The following FRMD5 variants were observed in gnomAD, a reference collection of about 807,000 sequenced individuals.
FRMD5 encodes FERM domain containing 5.
FRMD5 carries 20 observed loss-of-function variants against 69.0 expected under a neutral mutation model. The observed-to-expected ratio is 0.29, with a 90% CI of 0.20 to 0.42. FRMD5 has a LOEUF of 0.42. FRMD5 is among the 10% of genes least tolerant of loss of function. The pLI, the probability that FRMD5 is intolerant of heterozygous loss-of-function variation, is 1.00. For missense variants in FRMD5, 595 were observed against 708.6 expected, an observed-to-expected ratio of 0.84 and a Z score of 1.82; for synonymous variants, 271 against 260.1, an observed-to-expected ratio of 1.04 and a Z score of -0.40.
At chr15:44,103,915 C>G (rs1465189478) in intron 1 of FRMD5, among the ~76,000 whole-genome samples, 1 of 152,170 alleles carries the variant, frequency 6.6e-6, no homozygotes, top group African/African-American at 2.4e-5. Flanking sequence ...TGTGATGATG[C>G]TGGTGTAAAC....
At chr15:43,883,547 A>G (rs1374630007) in intron 13 of FRMD5, among the ~76,000 whole-genome samples, 156 bp downstream of exon 13, 1 of 152,198 alleles carries the variant, frequency 6.6e-6, no homozygotes, top group African/African-American at 2.4e-5. Context: ...TACCCAGCTA[A>G]TATTCCCATC....
At chr15:43,993,871 T>C (rs919066080) in intron 1 of FRMD5, among the ~76,000 whole-genome samples, 4 of 152,204 alleles carry the variant, frequency 2.6e-5, no homozygotes, top group African/African-American at 9.6e-5. Flanking sequence ...TTAAAGTCTA[T>C]TTTATCTGAC....
intron 11 of FRMD5, 65 bp from the exon 12 acceptor site, chr15:43,884,860 C>T: frequency 1.4e-6 from 2 of 1,383,216 alleles, no homozygotes; most frequent in Admixed American, 3.4e-5. Context: ...AGCTCCTCTC[C>T]AAGATCTTAG....
At chr15:43,926,793 C>T (rs973151557) in intron 1 of FRMD5, among the ~76,000 whole-genome samples, 1 of 150,940 alleles carries the variant, frequency 6.6e-6, no homozygotes, top group African/African-American at 2.4e-5. Flanking sequence ...AGGCTATGGG[C>T]TGATAAGACC....
chr15:44,033,475 GT>G (rs1417410631), intron 1 of FRMD5, among the ~76,000 whole-genome samples: 1 of 151,940 alleles, frequency 6.6e-6, no homozygotes, highest in Non-Finnish European at 1.5e-5. Flanking sequence ...CCAAATAATA[GT>G]TTTTGTTCAA....
At position 43,907,879 on chromosome 15, in the gene FRMD5, T is replaced by C. The variant is rs570252782; in HGVS notation, c.428-1928A>G. On this transcript the variant is annotated intron_variant, in intron 5 of 13. Transcript: ENST00000417257. ...CTGGTCTCGAACTCCTGGGCTCAAGTGATCTTCCACCTCGGCCTTCCAAAG... is the reference window on the plus strand; with the variant it reads ...CTGGTCTCGAACTCCTGGGCTCAAGCGATCTTCCACCTCGGCCTTCCAAAG... Among the ~76,000 whole-genome samples the C allele has an allele frequency of 2.7e-4, 41 of 152,232 alleles. 1 individual carries two copies. The highest frequency in any genetic ancestry group is 1.9e-3 in the Admixed American group (29 of 15,304).
intron 1 of FRMD5, among the ~76,000 whole-genome samples, chr15:43,969,872 T>G (rs1002889298): frequency 1.3e-5 from 2 of 152,256 alleles, no homozygotes; most frequent in African/African-American, 4.8e-5. Flanking sequence ...ATAAATGTAC[T>G]TTTATTGGAG....
intron 1 of FRMD5, among the ~76,000 whole-genome samples, chr15:44,131,482 C>A (rs561468711): frequency 6.6e-5 from 10 of 152,272 alleles, no homozygotes; most frequent in African/African-American, 2.4e-4. Flanking sequence ...AGAGAGATAT[C>A]TGTATACCCA....
chr15:43,972,247 C>T (rs1028244957), intron 1 of FRMD5, among the ~76,000 whole-genome samples: 3 of 151,944 alleles, frequency 2.0e-5, no homozygotes, highest in Non-Finnish European at 2.9e-5. Flanking sequence ...CTCTTATCCC[C>T]TCCTGCAGCA....
At chr15:44,012,955 G>A (rs995299086) in intron 1 of FRMD5, among the ~76,000 whole-genome samples, 54 of 151,856 alleles carry the variant, frequency 3.6e-4, no homozygotes, top group African/African-American at 1.3e-3. Flanking sequence ...TAGTAATGGT[G>A]GGGTTTCACC....
chr15:44,097,720 G>C (rs2076574364), intron 1 of FRMD5, among the ~76,000 whole-genome samples: 1 of 152,206 alleles, frequency 6.6e-6, no homozygotes. Flanking sequence ...GACTGCTACT[G>C]TGTGCCCAGA....
At chr15:44,021,839 T>C (rs1225494853) in intron 1 of FRMD5, among the ~76,000 whole-genome samples, 3 of 152,162 alleles carry the variant, frequency 2.0e-5, no homozygotes, top group African/African-American at 7.2e-5. Context: ...CAGGTATTTG[T>C]ACACCACTAT....
chr15:43,920,783 T>C (rs930662646), intron 2 of FRMD5, among the ~76,000 whole-genome samples: 10 of 152,210 alleles, frequency 6.6e-5, no homozygotes, highest in Non-Finnish European at 1.3e-4. Flanking sequence ...AGCTGCTGAA[T>C]GGCAAAGGGA....
chr15:44,036,122 G>C (rs1254529295), intron 1 of FRMD5, among the ~76,000 whole-genome samples: 1 of 151,976 alleles, frequency 6.6e-6, no homozygotes. Flanking sequence ...GTACTGAGAG[G>C]GCACTTGTCA....
At chr15:43,986,571 A>C (rs1030404605) in intron 1 of FRMD5, among the ~76,000 whole-genome samples, 1 of 152,228 alleles carries the variant, frequency 6.6e-6, no homozygotes, top group Admixed American at 6.5e-5. Context: ...ATTTCATGAC[A>C]CTGAAAGCAC....
At chr15:44,126,307 A>C (rs1401714981) in intron 1 of FRMD5, among the ~76,000 whole-genome samples, 1 of 152,268 alleles carries the variant, frequency 6.6e-6, no homozygotes, top group Non-Finnish European at 1.5e-5. Flanking sequence ...TCCCTATGAC[A>C]GGTGCTACTT....
intron 1 of FRMD5, among the ~76,000 whole-genome samples, chr15:44,010,503 T>C (rs993770202): frequency 1.3e-5 from 2 of 151,458 alleles, no homozygotes; most frequent in African/African-American, 2.4e-5. Flanking sequence ...GTTCAAGCCA[T>C]TTTCCTGCTT....
chr15:43,905,920 G>A lies in FRMD5; in HGVS notation c.459C>T (p.His153=), dbSNP rs775615002. 2 of 1,614,232 alleles carry A rather than the reference G, an allele frequency of 1.2e-6. No individual in the cohort carries two copies. The highest frequency in any genetic ancestry group is 2.2e-5 in the South Asian group (2 of 91,082). ...GGAACTTGGAGCTGTAGCCTTCAGG[G>A]TGTTTCCCTGAGTCATAATCCCCAA... The part of the protein sequence containing the change: ...AEIGDYDSGK[H]PEGYSSKFQF... Residue 153 remains histidine (H), a synonymous_variant, in exon 6 of 14, where the codon CAC becomes CAT. Transcript: ENST00000417257.
chr15:43,952,521 C>T (rs1395606344), intron 1 of FRMD5, among the ~76,000 whole-genome samples: 1 of 152,228 alleles, frequency 6.6e-6, no homozygotes, highest in Non-Finnish European at 1.5e-5. Context: ...TGCGCTGCTG[C>T]ATTTTGGATA....
Sources: allele counts gnomAD v4.1 joint callset (sites outside exome capture counted in the v4.1 genomes callset), GRCh38; gene constraint gnomAD v4.1.1; transcripts MANE v1.5; gene names NCBI Gene and HGNC (gene_info 2026-07-23, HGNC 2026-07-21).